The following SGCZ variants were observed in gnomAD, a reference collection of about 807,000 sequenced individuals.
SGCZ encodes zeta-sarcoglycan.
In SGCZ, 40 loss-of-function variants were observed where a neutral mutation model predicts 41.3. That is an observed-to-expected ratio of 0.97 (90% CI 0.75 to 1.26). The LOEUF (loss-of-function observed/expected upper bound fraction) is 1.26. SGCZ is among the 50% of genes most tolerant of loss of function. The probability of loss-of-function intolerance (pLI) is 0.00; values close to 1 mark genes in which losing one functional copy is unlikely to be tolerated. For missense variants in SGCZ, 552 were observed against 369.8 expected (o/e 1.49, Z -4.04); for synonymous variants, 206 against 137.5 (o/e 1.50, Z -3.49).
At chr8:15,015,498 G>A (rs1461022147) in intron 1 of SGCZ, among the ~76,000 whole-genome samples, 1 of 151,838 alleles carries the variant, frequency 6.6e-6, no homozygotes, top group Admixed American at 6.6e-5. Context: ...AGCAGATGCA[G>A]ACCACGGTGA....
At chr8:15,116,168 A>G (rs1807260552) in intron 1 of SGCZ, among the ~76,000 whole-genome samples, 1 of 152,224 alleles carries the variant, frequency 6.6e-6, no homozygotes, top group South Asian at 2.1e-4. Context: ...AAATGGTGCT[A>G]CATCCCATAC....
At chr8:14,686,907 T>C (rs911058708) in intron 1 of SGCZ, among the ~76,000 whole-genome samples, 7 of 151,968 alleles carry the variant, frequency 4.6e-5, no homozygotes, top group Non-Finnish European at 1.0e-4. Flanking sequence ...CATTAACATT[T>C]TCAAACTGGG....
intron 5 of SGCZ, among the ~76,000 whole-genome samples, chr8:14,132,490 C>G (rs1244158924): frequency 6.6e-6 from 1 of 152,172 alleles, no homozygotes; most frequent in Admixed American, 6.6e-5. Flanking sequence ...TATATCGTTA[C>G]AGAAATCTTC....
intron 1 of SGCZ, among the ~76,000 whole-genome samples, chr8:15,147,509 C>A (rs527642566): frequency 3.3e-5 from 5 of 152,284 alleles, no homozygotes; most frequent in African/African-American, 1.2e-4. Context: ...AACTCCTGAC[C>A]TCAGGTGATC....
intron 1 of SGCZ, among the ~76,000 whole-genome samples, chr8:14,711,787 G>A (rs1189964292): frequency 2.6e-5 from 4 of 152,036 alleles, no homozygotes; most frequent in Non-Finnish European, 5.9e-5. Flanking sequence ...CCTTTATCTG[G>A]TACGTTCTGA....
chr8:14,508,311 A>T (rs1289352346), intron 2 of SGCZ, among the ~76,000 whole-genome samples: 1 of 152,182 alleles, frequency 6.6e-6, no homozygotes, highest in African/African-American at 2.4e-5. Flanking sequence ...ACCCCAAAAT[A>T]CATTTGTTGA....
intron 5 of SGCZ, among the ~76,000 whole-genome samples, chr8:14,120,331 T>A (rs987238355): frequency 6.6e-6 from 1 of 152,156 alleles, no homozygotes; most frequent in East Asian, 1.9e-4. Flanking sequence ...ACAATAATTG[T>A]CACTGTTTAG....
intron 1 of SGCZ, among the ~76,000 whole-genome samples, chr8:15,150,616 G>C (rs1799152139): frequency 6.6e-6 from 1 of 152,166 alleles, no homozygotes; most frequent in East Asian, 1.9e-4. Context: ...AGTATGTTGG[G>C]ATTCTGGAGG....
intron 1 of SGCZ, among the ~76,000 whole-genome samples, chr8:15,127,249 CACACACAAACAA>C (rs761055387): frequency 0.12 from 1,724 of 14,620 alleles, 9 homozygotes; most frequent in South Asian, 0.27. Flanking sequence ...CACACACACA[CACACACAAACAA>C]ACACACACAC....
In SGCZ at chr8:14,186,456, T is replaced by C. The variant is rs568112577; in HGVS notation, c.425-21754A>G. 8.5e-5 allele frequency among the ~76,000 whole-genome samples: 13 copies of C among 152,294 alleles called. No individual in the cohort carries two copies. The South Asian group carries it at 2.7e-3, about 32-fold the overall frequency. On this transcript the variant is annotated intron_variant, in intron 4 of 7. Coordinates refer to ENST00000382080, the MANE Select transcript of SGCZ (RefSeq NM_139167.4). ...AGTATTTTCCCAGCAGAGGGAGATGTCAACATTTCTTAAATCCATGGCCCT... is the reference window on the plus strand; with the variant it reads ...AGTATTTTCCCAGCAGAGGGAGATGCCAACATTTCTTAAATCCATGGCCCT...
intron 1 of SGCZ, among the ~76,000 whole-genome samples, chr8:14,993,939 G>C (rs929514733): frequency 3.3e-5 from 5 of 152,086 alleles, no homozygotes; most frequent in African/African-American, 9.7e-5. Flanking sequence ...TGCTGTGCTG[G>C]GGCCAGACTG....
At chr8:15,223,233 C>T (rs1335031586) in intron 1 of SGCZ, among the ~76,000 whole-genome samples, 2 of 152,104 alleles carry the variant, frequency 1.3e-5, no homozygotes, top group Admixed American at 6.6e-5. Flanking sequence ...AGAAATTTCT[C>T]CCTAAGCTAA....
At chr8:14,363,357 T>C (rs1315250164) in intron 2 of SGCZ, among the ~76,000 whole-genome samples, 1 of 152,182 alleles carries the variant, frequency 6.6e-6, no homozygotes, top group Non-Finnish European at 1.5e-5. Flanking sequence ...ACTATAGTTA[T>C]GGTCTAGAGA....
intron 1 of SGCZ, among the ~76,000 whole-genome samples, chr8:14,916,876 T>C (rs1799454629): frequency 1.3e-5 from 2 of 152,196 alleles, no homozygotes; most frequent in African/African-American, 4.8e-5. Context: ...AAACAATGTT[T>C]ATTCTGTTAT....
chr8:14,338,380 G>C (rs1802573032), intron 2 of SGCZ, among the ~76,000 whole-genome samples: 1 of 152,162 alleles, frequency 6.6e-6, no homozygotes, highest in Non-Finnish European at 1.5e-5. Flanking sequence ...ACACCCACGT[G>C]GGTAGCTTAT....
chr8:14,359,496 A>C (rs1220517438), intron 2 of SGCZ, among the ~76,000 whole-genome samples: 1 of 152,180 alleles, frequency 6.6e-6, no homozygotes, highest in African/African-American at 2.4e-5. Flanking sequence ...CAAATCTTAA[A>C]ACATTCCAAA....
intron 5 of SGCZ, among the ~76,000 whole-genome samples, chr8:14,156,179 A>G (rs1341789960): frequency 1.3e-5 from 2 of 151,990 alleles, no homozygotes; most frequent in African/African-American, 2.4e-5. Context: ...ATTTAAAAAT[A>G]TTTTTCTTGG....
intron 1 of SGCZ, among the ~76,000 whole-genome samples, chr8:14,901,529 G>A (rs562814149): frequency 1.4e-4 from 21 of 152,134 alleles, no homozygotes; most frequent in African/African-American, 4.6e-4. Context: ...AATATCAATA[G>A]CAATTTTATT....
intron 1 of SGCZ, among the ~76,000 whole-genome samples, chr8:14,735,935 A>G (rs1344934648): frequency 6.6e-6 from 1 of 152,084 alleles, no homozygotes; most frequent in Admixed American, 6.6e-5. Flanking sequence ...AGTATGAGCA[A>G]AGACACCAAG....
Sources: allele counts gnomAD v4.1 joint callset (sites outside exome capture counted in the v4.1 genomes callset), GRCh38; gene constraint gnomAD v4.1.1; transcripts MANE v1.5; gene names NCBI Gene and HGNC (gene_info 2026-07-23, HGNC 2026-07-21).